Variants in DAB1 observed in about 807,000 individuals in gnomAD.
DAB1 encodes disabled homolog 1.
In DAB1, 15 loss-of-function variants were observed where a neutral mutation model predicts 64.6. The observed-to-expected ratio is 0.23, with a 90% CI of 0.16 to 0.36. DAB1 has a LOEUF of 0.36. Among genes scored for constraint, DAB1 ranks in the 10% least tolerant of loss-of-function variants. DAB1 has a pLI of 1.00. For missense variants in DAB1, 596 were observed against 706.7 expected, an observed-to-expected ratio of 0.84 and a Z score of 1.78; for synonymous variants, 235 against 251.9, an observed-to-expected ratio of 0.93 and a Z score of 0.64.
At chr1:57,725,558 G>T (rs1162316382) in intron 6 of DAB1, among the ~76,000 whole-genome samples, 2 of 152,110 alleles carry the variant, frequency 1.3e-5, no homozygotes, top group Non-Finnish European at 2.9e-5. Context: ...TGTTTCTGAT[G>T]GTCTTTGTGG....
At chr1:57,338,587 T>C (rs1202424078) in intron 1 of DAB1, among the ~76,000 whole-genome samples, 1 of 152,200 alleles carries the variant, frequency 6.6e-6, no homozygotes, top group Non-Finnish European at 1.5e-5. Flanking sequence ...TGATATCAAA[T>C]ATAACCTTTT....
chr1:58,134,465 G>T (rs1653826999), intron 5 of DAB1, among the ~76,000 whole-genome samples: 1 of 152,004 alleles, frequency 6.6e-6, no homozygotes, highest in South Asian at 2.1e-4. Context: ...AATTGTATTA[G>T]TCCATTCTCA....
intron 4 of DAB1, among the ~76,000 whole-genome samples, chr1:58,170,227 T>C (rs1416842728): frequency 1.3e-5 from 2 of 152,128 alleles, no homozygotes; most frequent in Non-Finnish European, 2.9e-5. Context: ...TAAACATCTG[T>C]GGACCTGTGT....
chr1:57,311,739 A>G (rs755276743), intron 1 of DAB1, among the ~76,000 whole-genome samples: 21 of 152,202 alleles, frequency 1.4e-4, no homozygotes, highest in Non-Finnish European at 2.6e-4. Context: ...TATCCAGGCA[A>G]AGGTCATCAG....
chr1:57,564,442 C>T (rs557982226), intron 7 of DAB1, among the ~76,000 whole-genome samples: 141 of 152,298 alleles, frequency 9.3e-4, no homozygotes, highest in Non-Finnish European at 1.5e-3. Context: ...TGGAAAATGA[C>T]TTTGATGAGT....
intron 4 of DAB1, among the ~76,000 whole-genome samples, chr1:58,272,786 T>C (rs1661338547): frequency 1.3e-5 from 2 of 152,116 alleles, no homozygotes; most frequent in South Asian, 4.2e-4. Context: ...TCTCTTTTGA[T>C]CTTTGTTGGT....
At chr1:58,430,057 G>C (rs530177193) in intron 3 of DAB1, among the ~76,000 whole-genome samples, 1 of 152,246 alleles carries the variant, frequency 6.6e-6, no homozygotes, top group East Asian at 1.9e-4. Flanking sequence ...CCATTCAAGA[G>C]GGATCCACCT....
At chr1:58,287,050 T>C (rs773918989) in intron 4 of DAB1, among the ~76,000 whole-genome samples, 1 of 152,190 alleles carries the variant, frequency 6.6e-6, no homozygotes, top group Non-Finnish European at 1.5e-5. Flanking sequence ...CCATTATCTT[T>C]AGCAAACTAA....
rs140994795 is a variant in DAB1, at chr1:57,582,295, T to C, written n.625+67297A>G. Among the ~76,000 whole-genome samples, 1,069 of 152,028 alleles carry C rather than the reference T, an allele frequency of 7.0e-3. 7 individuals carry two copies. Among genetic ancestry groups the C allele is most frequent in the Non-Finnish European group, 0.011 (752 of 67,986 alleles). On this transcript the variant is annotated intron_variant and non_coding_transcript_variant, in intron 7 of 20. Coordinates refer to the DAB1 transcript ENST00000485760. ...GGGAAGCAAGGCACATCTTACAGAGTGGCAGGAGAGAGAGAAAAATCAGAA... is the reference window on the plus strand; with the variant it reads ...GGGAAGCAAGGCACATCTTACAGAGCGGCAGGAGAGAGAGAAAAATCAGAA...
At chr1:57,400,188 C>G (rs552399552) in intron 1 of DAB1, among the ~76,000 whole-genome samples, 2 of 152,234 alleles carry the variant, frequency 1.3e-5, no homozygotes, top group East Asian at 1.9e-4. Context: ...CTGGAAACAC[C>G]GTTACAGAGT....
intron 4 of DAB1, among the ~76,000 whole-genome samples, chr1:58,231,224 A>G (rs1029356226): frequency 6.6e-6 from 1 of 152,222 alleles, no homozygotes; most frequent in Non-Finnish European, 1.5e-5. Flanking sequence ...ATCACCACTG[A>G]TAAGTGGTAG....
chr1:57,721,475 A>C (rs1647149812), intron 6 of DAB1, among the ~76,000 whole-genome samples: 1 of 152,206 alleles, frequency 6.6e-6, no homozygotes, highest in Non-Finnish European at 1.5e-5. Context: ...TAACTCATGA[A>C]ATCCTCACAA....
chr1:57,318,636 C>T (rs1185565544), intron 1 of DAB1, among the ~76,000 whole-genome samples: 1 of 151,486 alleles, frequency 6.6e-6, no homozygotes, highest in South Asian at 2.1e-4. Flanking sequence ...TTGGATTCTT[C>T]CACCCTCTAT....
intron 9 of DAB1, among the ~76,000 whole-genome samples, chr1:57,048,572 G>A (rs149690842): frequency 2.6e-3 from 400 of 152,228 alleles, no homozygotes; most frequent in African/African-American, 8.1e-3. Context: ...TCCTACCCAC[G>A]TAATAACGAG....
At chr1:58,253,136 A>G (rs1425264270) in intron 4 of DAB1, among the ~76,000 whole-genome samples, 1 of 152,172 alleles carries the variant, frequency 6.6e-6, no homozygotes, top group Non-Finnish European at 1.5e-5. Context: ...CCTGTCATTT[A>G]TTGTGTTTTC....
chr1:57,790,542 T>A (rs12077497), intron 6 of DAB1, among the ~76,000 whole-genome samples: 15,838 of 152,124 alleles, frequency 0.1, 2,872 homozygotes, highest in African/African-American at 0.37. Flanking sequence ...GAGATGAATG[T>A]GGGAAAGACA....
intron 3 of DAB1, among the ~76,000 whole-genome samples, chr1:58,375,825 G>A (rs375801018): frequency 1.4e-5 from 2 of 146,098 alleles, no homozygotes; most frequent in African/African-American, 5.0e-5. Flanking sequence ...ACTCTTTTTG[G>A]TTGGTAAACT....
chr1:58,037,347 C>G (rs1425812989), intron 5 of DAB1, among the ~76,000 whole-genome samples: 1 of 152,146 alleles, frequency 6.6e-6, no homozygotes, highest in Non-Finnish European at 1.5e-5. Context: ...GCCTCCAGAT[C>G]TTCCCTTACG....
intron 4 of DAB1, among the ~76,000 whole-genome samples, chr1:58,201,205 A>G (rs1657980561): frequency 6.6e-6 from 1 of 151,862 alleles, no homozygotes; most frequent in Non-Finnish European, 1.5e-5. Context: ...TTTAGTAGAG[A>G]TGGGGTTTCA....
Sources: gnomAD v4.1 joint callset for allele counts (sites outside exome capture counted in the v4.1 genomes callset) on GRCh38, gnomAD v4.1.1 for gene constraint, MANE v1.5 for transcripts, NCBI Gene and HGNC (gene_info 2026-07-23, HGNC 2026-07-21) for gene names.